DYNLRB1: variants seen among roughly 807,000 people sequenced by gnomAD.
The protein encoded by DYNLRB1 is dynein light chain roadblock-type 1, also known as ROBL/LC7-like 1.
A neutral mutation model predicts 13.5 loss-of-function variants in DYNLRB1; 6 were observed. That is an observed-to-expected ratio of 0.44 (90% CI 0.24 to 0.88). The LOEUF (loss-of-function observed/expected upper bound fraction) is 0.88, where lower values mean the gene tolerates loss of function less well. Among genes scored for constraint, DYNLRB1 ranks in the 40% least tolerant of loss-of-function variants. The pLI is 0.21. For synonymous variants in DYNLRB1, 43 were observed against 45.0 expected (o/e 0.96, Z 0.18); for missense variants, 93 against 127.2 (o/e 0.73, Z 1.29).
intron 2 of DYNLRB1, among the ~76,000 whole-genome samples, chr20:34,532,704 A>T (rs1052138162): frequency 1.3e-5 from 2 of 152,214 alleles, no homozygotes; most frequent in Non-Finnish European, 2.9e-5. Flanking sequence ...TGATCTGGTC[A>T]TCTTGTCTCT....
intron 1 of DYNLRB1, among the ~76,000 whole-genome samples, chr20:34,522,380 G>A (rs1424257806): frequency 6.6e-6 from 1 of 151,848 alleles, no homozygotes; most frequent in Admixed American, 6.6e-5. Flanking sequence ...CGCTGAGTAG[G>A]GAAATTATAC....
intron 3 of DYNLRB1, 97 bp downstream of exon 3, chr20:34,534,892 C>T (rs1981019214): frequency 2.5e-6 from 4 of 1,588,010 alleles, no homozygotes; most frequent in Admixed American, 1.8e-5. Context: ...TCCAGAGGAT[C>T]CAAGCAGGGC....
chr20:34,524,971 C>T (rs1980073298), intron 1 of DYNLRB1, among the ~76,000 whole-genome samples: 1 of 152,184 alleles, frequency 6.6e-6, no homozygotes, highest in South Asian at 2.1e-4. Context: ...ATGATCCGCC[C>T]ATCTCGGCCT....
At chr20:34,516,123 G>C (rs1979143682), upstream of DYNLRB1, among the ~76,000 whole-genome samples, 1 of 151,526 alleles carries the variant, frequency 6.6e-6, no homozygotes, top group Non-Finnish European at 1.5e-5. Flanking sequence ...TCGAACTCTT[G>C]GGCTCAAGCA....
At chr20:34,526,075 A>C (rs1343775397) in intron 1 of DYNLRB1, among the ~76,000 whole-genome samples, 193 bp from the exon 2 acceptor site, 1 of 152,170 alleles carries the variant, frequency 6.6e-6, no homozygotes, top group Admixed American at 6.5e-5. Flanking sequence ...TGGGGGTGTG[A>C]GCGGATGCTC....
rs77349668 is a variant in DYNLRB1, at chr20:34,540,457, T to C, written c.248-124T>C. On this transcript the variant is annotated intron_variant, in intron 3 of 3. Transcript: ENST00000357156. ...AGCATTTGGAGATGCTGAACGTTGA[T>C]GCTTTTTGTTGCTTTCTCCCCTTCC... 2.7e-3 allele frequency: 2,366 copies of C among 872,510 alleles called. 51 individuals carry two copies. The African/African-American group carries it at 0.037, about 13-fold the overall frequency. The allele number at this position is 872,510 out of a possible 1,614,324, so 54.0% of individuals were successfully genotyped here. A position where few individuals can be genotyped will look rare whatever the true frequency, so the allele number is the denominator to read the frequency against.
chr20:34,529,903 A>G (rs1197675307), intron 2 of DYNLRB1: 2 of 1,515,080 alleles, frequency 1.3e-6, no homozygotes, highest in East Asian at 2.5e-5. Flanking sequence ...CCCCCTGCTC[A>G]GGGCTGCCCC....
At chr20:34,516,806 C>T in intron 1 of DYNLRB1, 1 of 1,550,146 alleles carries the variant, frequency 6.5e-7, no homozygotes, top group Non-Finnish European at 8.7e-7. Flanking sequence ...CCCGGGAGCT[C>T]AGTTTGTGGC....
chr20:34,524,204 A>T (rs1600542058), intron 1 of DYNLRB1, among the ~76,000 whole-genome samples: 1 of 152,160 alleles, frequency 6.6e-6, no homozygotes, highest in East Asian at 1.9e-4. Context: ...CTTGCCCTTA[A>T]TGTGGCTCTT....
At chr20:34,533,924 G>A (rs570832449) in intron 2 of DYNLRB1, among the ~76,000 whole-genome samples, 2 of 152,316 alleles carry the variant, frequency 1.3e-5, no homozygotes, top group Admixed American at 6.5e-5. Flanking sequence ...ATCACCTGAG[G>A]TCAGGAGTTC....
At chr20:34,537,437 TTAAA>T (rs1208615022) in intron 3 of DYNLRB1, among the ~76,000 whole-genome samples, 1 of 152,102 alleles carries the variant, frequency 6.6e-6, no homozygotes, top group African/African-American at 2.4e-5. Flanking sequence ...TATCCATTGA[TTAAA>T]TAAATGAATG....
At position 34,540,776 on chromosome 20, in the gene DYNLRB1, C is replaced by G. The variant is rs532879135; in HGVS notation, c.*152C>G. 5.5e-6 allele frequency: 4 copies of G among 732,950 alleles called. No individual in the cohort carries two copies. The African/African-American group carries it at 7.2e-5, about 13-fold the overall frequency. 45.4% of individuals were successfully genotyped at this position (732,950 alleles called of 1,614,324 possible). A position where few individuals can be genotyped will look rare whatever the true frequency, so the allele number is the denominator to read the frequency against. On this transcript the variant is annotated 3_prime_UTR_variant, in exon 4 of 4. Coordinates refer to ENST00000357156, the MANE Select transcript of DYNLRB1 (RefSeq NM_014183.4). ...GTGTGGGCTGGCGGCTCTTCTCCCC[C>G]ACCAACGGAACCCCTGTGTGCACCA...
chr20:34,516,593 G>GGCCCCA, intron 1 of DYNLRB1, 132 bp downstream of exon 1: 1 of 1,525,194 alleles, frequency 6.6e-7, no homozygotes. Context: ...GCCGGGCCCG[G>GGCCCCA]GCCCCAGCCG....
Position 34,529,918 on chromosome 20 carries a change from C to T in DYNLRB1, c.79+3575C>T, listed in dbSNP as rs903409569. 1.2e-5 allele frequency: 18 copies of T among 1,499,162 alleles called. No individual in the cohort carries two copies. In the Middle Eastern group the frequency reaches 5.2e-4, roughly 43 times the overall value. The allele number at this position is 1,499,162 out of a possible 1,614,324, so 92.9% of individuals were successfully genotyped here. ...CCCCCTGCTCAGGGCTGCCCCTGAT[C>T]AGTTGGGTGGCCTGAGGCAACTCCT... On this transcript the variant is annotated intron_variant, in intron 2 of 3. Coordinates refer to ENST00000357156, the MANE Select transcript of DYNLRB1 (RefSeq NM_014183.4).
intron 3 of DYNLRB1, 166 bp downstream of exon 3, chr20:34,534,961 TC>T (rs1981026502): frequency 6.8e-7 from 1 of 1,478,128 alleles, no homozygotes; most frequent in South Asian, 1.4e-5. Context: ...CCAGCTGGTG[TC>T]CCATAGCAGA....
chr20:34,537,632 GA>G (rs1981250824), intron 3 of DYNLRB1, among the ~76,000 whole-genome samples: 1 of 152,190 alleles, frequency 6.6e-6, no homozygotes, highest in African/African-American at 2.4e-5. Context: ...TTTGGTGCCA[GA>G]ACTCCTGTGG....
At chr20:34,527,893 G>A (rs1377939269) in intron 2 of DYNLRB1, among the ~76,000 whole-genome samples, 2 of 152,208 alleles carry the variant, frequency 1.3e-5, no homozygotes, top group African/African-American at 2.4e-5. Flanking sequence ...TACCCTGGGA[G>A]TAGAGGTAGA....
At chr20:34,517,716 C>T (rs1979366070) in intron 1 of DYNLRB1, among the ~76,000 whole-genome samples, 1 of 151,148 alleles carries the variant, frequency 6.6e-6, no homozygotes, top group Non-Finnish European at 1.5e-5. Flanking sequence ...GCCACCTCCG[C>T]CTCCCAGGTT....
chr20:34,519,552 A>G (rs1437204548), intron 1 of DYNLRB1, among the ~76,000 whole-genome samples: 1 of 152,204 alleles, frequency 6.6e-6, no homozygotes, highest in Non-Finnish European at 1.5e-5. Context: ...ATATGTATAT[A>G]TCTTATTCTG....
Sources: allele counts gnomAD v4.1 joint callset (sites outside exome capture counted in the v4.1 genomes callset), GRCh38; gene constraint gnomAD v4.1.1; transcripts MANE v1.5; gene names NCBI Gene and HGNC (gene_info 2026-07-23, HGNC 2026-07-21).